The following ITGB4 variants were observed in gnomAD, a reference collection of about 807,000 sequenced individuals.
The protein encoded by ITGB4 is integrin subunit beta 4.
In ITGB4, 159 loss-of-function variants were observed where a neutral mutation model predicts 207.6. The ratio of observed to expected loss-of-function variants is 0.77; its 90% CI spans 0.67 to 0.87. The LOEUF (loss-of-function observed/expected upper bound fraction) is 0.87, where lower values mean the gene tolerates loss of function less well. ITGB4 is among the 40% of genes least tolerant of loss of function. The pLI, the probability that ITGB4 is intolerant of heterozygous loss-of-function variation, is 0.00. For missense variants in ITGB4, 2,278 were observed against 2,546.8 expected (o/e 0.89, Z 2.27); for synonymous variants, 1,020 against 1,062.7 (o/e 0.96, Z 0.78).
chr17:75,748,429 G>A (rs1001619453), intron 26 of ITGB4, among the ~76,000 whole-genome samples: 1 of 151,932 alleles, frequency 6.6e-6, no homozygotes, highest in African/African-American at 2.4e-5. Flanking sequence ...CAGCACTTTG[G>A]GAGGCCAAGG....
chr17:75,757,580 C>T lies in ITGB4; in HGVS notation c.*25C>T, dbSNP rs9367. The T allele has an allele frequency of 0.78, 1,253,423 of 1,612,750 alleles. 491,937 individuals are homozygous for T. Among genetic ancestry groups the T allele is most frequent in the Non-Finnish European group, 0.81 (952,174 of 1,179,694 alleles). Reference sequence around the variant, plus strand: ...ACCGCACCCTGCCCCACCCCCGCCACGTCCCACTAGGCGTCCTCCCGACTC... The same window carrying T: ...ACCGCACCCTGCCCCACCCCCGCCATGTCCCACTAGGCGTCCTCCCGACTC... On this transcript the variant is annotated 3_prime_UTR_variant, in exon 40 of 40. Coordinates refer to ENST00000200181, the MANE Select transcript of ITGB4 (RefSeq NM_000213.5).
Position 75,753,972 on chromosome 17 carries a change from G to GCTC in ITGB4, c.4316_4317insCTC (p.Gly1439_Glu1440insSer). 8.0e-7 allele frequency: 1 copy of GCTC among 1,252,248 alleles called. No homozygotes were observed. The highest frequency in any genetic ancestry group is 3.2e-5 in the East Asian group (1 of 30,930). 77.6% of individuals were successfully genotyped at this position (1,252,248 alleles called of 1,614,324 possible). A position where few individuals can be genotyped will look rare whatever the true frequency, so the allele number is the denominator to read the frequency against. ...CGCAGTGCGACACCCGGGCCCCCCG[G>GCTC]AGGTGACAGGCTCACCCGCCGCCCC... On this transcript the variant is annotated inframe_insertion and splice_region_variant, in exon 33 of 40. Transcript: ENST00000200181.
Position 75,729,355 on chromosome 17 carries a change from AC to A in ITGB4, c.658del (p.Leu220CysfsTer62), listed in dbSNP as rs749217066. 45 of 1,614,020 alleles carry A rather than the reference AC, an allele frequency of 2.8e-5. No homozygotes were observed. Among genetic ancestry groups the A allele is most frequent in the Non-Finnish European group, 3.8e-5 (45 of 1,180,016 alleles). ...TEDVDEFRNKLQGERISGNLD... is the reference protein window; with the variant it reads ...TEDVDEFRNKXQGERISGNLD... ...AAGATGTGGATGAGTTCCGGAATAA[AC>A]TGCAGGGAGAGCGGATCTCAGGCAA... On this transcript the variant is annotated frameshift_variant, in exon 7 of 40. Coordinates refer to ENST00000200181, the MANE Select transcript of ITGB4 (RefSeq NM_000213.5). LOFTEE classifies it high-confidence loss of function. The surrounding 1 kb of genome is among the most constrained non-coding windows in gnomAD (Gnocchi z 4.4).
chr17:75,739,932 G>A lies in ITGB4; in HGVS notation c.2307G>A (p.Met769Ile). The A allele has an allele frequency of 1.2e-6, 2 of 1,613,376 alleles. No individual in the cohort carries two copies. The highest frequency in any genetic ancestry group is 1.7e-6 in the Non-Finnish European group (2 of 1,180,038). Residue 769 changes from methionine to isoleucine, a missense_variant, in exon 20 of 40, where the codon ATG (methionine) becomes ATA (isoleucine). Met to Ile is a conservative substitution (Grantham distance 10). Transcript: ENST00000200181. This position sits in a 1 kb window ranked among gnomAD's most constrained non-coding sequence, Gnocchi z 5.4. ...EDHYMLRENL[M>I]ASDHLDTPML... ...ACTACATGCTGCGGGAGAACCTGAT[G>A]GCCTCTGACCACTTGGACACGCCCA... is the stretch of plus-strand genomic sequence containing the variant.
At chr17:75,748,685 C>A (rs201197836) in intron 26 of ITGB4, among the ~76,000 whole-genome samples, 156 bp from the exon 27 acceptor site, 567 of 150,870 alleles carry the variant, frequency 3.8e-3, no homozygotes, top group African/African-American at 0.011. Context: ...AAAAAACAAA[C>A]AAAAAAAACA....
intron 2 of ITGB4, among the ~76,000 whole-genome samples, chr17:75,726,340 T>C (rs1430811354): frequency 6.6e-6 from 1 of 151,922 alleles, no homozygotes; most frequent in Non-Finnish European, 1.5e-5. Context: ...GTGGGAGGAT[T>C]GCCTGAGCCC....
intron 32 of ITGB4, 66 bp downstream of exon 32, chr17:75,752,643 G>C (rs1002332117): frequency 1.3e-6 from 2 of 1,595,834 alleles, no homozygotes; most frequent in African/African-American, 1.3e-5. Context: ...AGTCCACTGG[G>C]TCCAGAGAGG....
chr17:75,734,895 C>T (rs1271390771), intron 13 of ITGB4, among the ~76,000 whole-genome samples: 1 of 152,204 alleles, frequency 6.6e-6, no homozygotes, highest in Non-Finnish European at 1.5e-5. Flanking sequence ...TAGTCCAGAG[C>T]AGGACTTCAT....
chr17:75,751,862 A>G, intron 30 of ITGB4: 2 of 450,768 alleles, frequency 4.4e-6, no homozygotes, highest in Non-Finnish European at 4.1e-6. Flanking sequence ...GGCAACCCCT[A>G]TGCGTGCCCT....
chr17:75,749,939 G>C (rs1236863642), intron 27 of ITGB4, among the ~76,000 whole-genome samples, 172 bp from the exon 28 acceptor site: 2 of 152,246 alleles, frequency 1.3e-5, no homozygotes, highest in Non-Finnish European at 2.9e-5. Flanking sequence ...AAGCTTGGCA[G>C]GATGCTCTAT....
rs2061130103 is a variant in ITGB4 at position 75,742,362 on chromosome 17, C to T, written c.2655C>T (p.Asp885=). 6.2e-7 allele frequency: 1 copy of T among 1,613,312 alleles called. No homozygotes were observed. Among genetic ancestry groups the T allele is most frequent in the Non-Finnish European group, 8.5e-7 (1 of 1,180,048 alleles). The change falls in exon 24 of 40, where the codon GAC becomes GAT. Residue 885 remains aspartate (D), a synonymous_variant. Transcript: ENST00000200181. This position sits in a 1 kb window ranked among gnomAD's most constrained non-coding sequence, Gnocchi z 5.9. ...AGKKQDHTIV[D]TVLMAPRSAK... ...CCAGGCAAGACCACACCATTGTGGA[C>T]ACAGTGCTGATGGCGCCCCGCTCGG...
At chr17:75,735,950 CTCCCACAGCTCTGT>C in intron 13 of ITGB4, 87 bp from the exon 14 acceptor site, 4 of 1,081,988 alleles carry the variant, frequency 3.7e-6, no homozygotes, top group Non-Finnish European at 5.7e-6. Flanking sequence ...GGCACCCTGG[CTCCCACAGCTCTGT>C]TCCCACAGGC....
chr17:75,740,142 C>T lies in ITGB4; in HGVS notation c.2446+71C>T, dbSNP rs1302534261. The T allele has an allele frequency of 1.4e-6, 2 of 1,478,060 alleles. No homozygotes were observed. Among genetic ancestry groups the T allele is most frequent in the Admixed American group, 2.0e-5 (1 of 50,910 alleles). 91.6% of individuals were successfully genotyped at this position (1,478,060 alleles called of 1,614,324 possible). A position where few individuals can be genotyped will look rare whatever the true frequency, so the allele number is the denominator to read the frequency against. ...GCCCTCTGTTCCAGATCTGGGATCA[C>T]AGCATGCCTCTTCTCTGGGTGTGGG... is the stretch of plus-strand genomic sequence containing the variant. On this transcript the variant is annotated intron_variant, in intron 20 of 39. Coordinates refer to ENST00000200181, the MANE Select transcript of ITGB4 (RefSeq NM_000213.5). This position sits in a 1 kb window ranked among gnomAD's most constrained non-coding sequence, Gnocchi z 5.9.
chr17:75,749,840 G>A (rs2143335188), intron 27 of ITGB4, among the ~76,000 whole-genome samples: 1 of 152,252 alleles, frequency 6.6e-6, no homozygotes, highest in African/African-American at 2.4e-5. Flanking sequence ...GTTCTCATGT[G>A]GAATGTTCCC....
chr17:75,727,724 G>C lies in ITGB4; in HGVS notation c.338G>C (p.Gly113Ala), dbSNP rs1412016183. ...PQGLRVRLRP[G>A]EERHFELEVF... The stretch of plus-strand genomic sequence containing the variant: ...GGCCTGCGGGTCCGTCTGCGGCCCG[G>C]TGAGGAGCGGCATTTTGAGCTGGAG... Residue 113 changes from glycine to alanine, a missense_variant, in exon 5 of 40, where the codon GGT (glycine) becomes GCT (alanine). Physicochemically the swap from Gly to Ala is moderately conservative, Grantham distance 60. Coordinates refer to ENST00000200181, the MANE Select transcript of ITGB4 (RefSeq NM_000213.5). This position sits in a 1 kb window ranked among gnomAD's most constrained non-coding sequence, Gnocchi z 6.0. 1 of 1,613,764 alleles carries C rather than the reference G, an allele frequency of 6.2e-7. No individual in the cohort carries two copies. Among genetic ancestry groups the C allele is most frequent in the South Asian group, 1.1e-5 (1 of 91,016 alleles).
chr17:75,743,610 G>A (rs552634888), intron 25 of ITGB4, 103 bp from the exon 26 acceptor site: 53 of 1,506,474 alleles, frequency 3.5e-5, no homozygotes, highest in African/African-American at 1.1e-4. Context: ...GGAACCAAGC[G>A]GACTCCTGGA....
chr17:75,754,213 G>A (rs1235416536), intron 33 of ITGB4, among the ~76,000 whole-genome samples: 1 of 152,224 alleles, frequency 6.6e-6, no homozygotes, highest in African/African-American at 2.4e-5. Flanking sequence ...AGTCTGCCCG[G>A]GAAGCGGACC....
At position 75,742,381 on chromosome 17, in the gene ITGB4, C is replaced by T. The variant is rs139933962; in HGVS notation, c.2674C>T (p.Arg892Cys). ...TGTGGACACAGTGCTGATGGCGCCC[C>T]GCTCGGCCAAGCCGGCCCTGCTGAA... ...TIVDTVLMAPRSAKPALLKLT... is the reference protein window; with the variant it reads ...TIVDTVLMAPCSAKPALLKLT... Residue 892 changes from arginine (R) to cysteine (C), a missense_variant, in exon 24 of 40, where the codon CGC becomes TGC. Coordinates refer to ENST00000200181, the MANE Select transcript of ITGB4 (RefSeq NM_000213.5). This position sits in a 1 kb window ranked among gnomAD's most constrained non-coding sequence, Gnocchi z 5.9. The T allele has an allele frequency of 2.8e-4, 459 of 1,613,284 alleles. No homozygotes were observed. The highest frequency in any genetic ancestry group is 3.3e-4 in the Non-Finnish European group (394 of 1,180,024).
In ITGB4 at chr17:75,755,862, T is replaced by A. The variant is rs748537310; in HGVS notation, c.4708+12T>A. The A allele has an allele frequency of 1.2e-6, 2 of 1,600,438 alleles. No homozygotes were observed. The highest frequency in any genetic ancestry group is 2.2e-5 in the South Asian group (2 of 90,814). Reference sequence around the variant, plus strand: ...GCTGCTGAACGGCGGTGAGGCATGGTGGCTGCCAGGCTGCGGGGTGCAGCC... The same window carrying A: ...GCTGCTGAACGGCGGTGAGGCATGGAGGCTGCCAGGCTGCGGGGTGCAGCC... On this transcript the variant is annotated intron_variant, in intron 35 of 39. Transcript: ENST00000200181.
Sources: allele counts gnomAD v4.1 joint callset (sites outside exome capture counted in the v4.1 genomes callset), GRCh38; gene constraint gnomAD v4.1.1; non-coding constraint Gnocchi (gnomAD v3.1); transcripts MANE v1.5; gene names NCBI Gene and HGNC (gene_info 2026-07-23, HGNC 2026-07-21).